Variants in FGF12 observed in about 807,000 individuals in gnomAD.
FGF12 encodes the protein fibroblast growth factor 12.
FGF12 carries 14 observed loss-of-function variants against 23.6 expected under a neutral mutation model. The observed-to-expected ratio is 0.59, with a 90% CI of 0.39 to 0.93. The LOEUF (loss-of-function observed/expected upper bound fraction) is 0.93. Ranked by LOEUF, FGF12 falls within the 40% of genes least tolerant of loss-of-function variation. The pLI is 0.00. For synonymous variants in FGF12, 62 were observed against 77.3 expected (o/e 0.80, Z 1.04); for missense variants, 175 against 217.8 (o/e 0.80, Z 1.24).
rs1371660204 is a variant in FGF12 at position 192,141,004 on chromosome 3, T to C, written c.*3005A>G. On this transcript the variant is annotated 3_prime_UTR_variant, in exon 6 of 6. Transcript: ENST00000445105. ...AGTTTTGTTTTCATTCTTAAGCTCG[T>C]TGATTTTGAAACTTATTCCAATAAG... 6.6e-6 allele frequency: 1 copy of C among 151,704 alleles called. No homozygotes were observed. The highest frequency in any genetic ancestry group is 2.4e-5 in the African/African-American group (1 of 41,342). 9.4% of individuals were successfully genotyped at this position (151,704 alleles called of 1,614,324 possible). A position where few individuals can be genotyped will look rare whatever the true frequency, so the allele number is the denominator to read the frequency against.
At chr3:192,583,260 T>C (rs978554838) in intron 2 of FGF12, among the ~76,000 whole-genome samples, 24 of 152,190 alleles carry the variant, frequency 1.6e-4, no homozygotes, top group African/African-American at 5.8e-4. Context: ...TGGGGCCTAG[T>C]GTAGGGTGGA....
At chr3:192,297,251 T>C (rs1428750816) in intron 4 of FGF12, among the ~76,000 whole-genome samples, 4 of 152,318 alleles carry the variant, frequency 2.6e-5, no homozygotes, top group Non-Finnish European at 5.9e-5. Context: ...AAATATGCTA[T>C]GAAGCAAAAA....
At chr3:192,629,100 T>C (rs907850206) in intron 2 of FGF12, among the ~76,000 whole-genome samples, 4 of 152,234 alleles carry the variant, frequency 2.6e-5, no homozygotes, top group African/African-American at 9.6e-5. Flanking sequence ...CTATCATGAC[T>C]GACTATGAGG....
rs930413388 is a variant in FGF12 at position 192,146,598 on chromosome 3, C to T, written c.428-2471G>A. Among the ~76,000 whole-genome samples the T allele has an allele frequency of 4.6e-5, 7 of 152,252 alleles. No homozygotes were observed. In the East Asian group the frequency reaches 1.3e-3, roughly 29 times the overall value. On this transcript the variant is annotated intron_variant, in intron 5 of 5. Transcript: ENST00000445105. ...GTGTATATTTTTATCACTTTTTAAG[C>T]TGAGTTTCTTAGAGTTGCAATTTCC...
chr3:192,148,413 G>T (rs938859288), intron 5 of FGF12, among the ~76,000 whole-genome samples: 2 of 152,148 alleles, frequency 1.3e-5, no homozygotes, highest in African/African-American at 2.4e-5. Context: ...CAAGTTCACA[G>T]AGGCAAAAAA....
At chr3:192,221,896 G>A (rs948643070) in intron 4 of FGF12, among the ~76,000 whole-genome samples, 3 of 152,058 alleles carry the variant, frequency 2.0e-5, no homozygotes, top group East Asian at 3.9e-4. Flanking sequence ...GTGAGGATTC[G>A]AAGAAGCAAA....
chr3:192,581,165 A>T (rs1454614456), intron 2 of FGF12, among the ~76,000 whole-genome samples: 2 of 152,132 alleles, frequency 1.3e-5, no homozygotes, highest in Admixed American at 1.3e-4. Context: ...ATTAAACATT[A>T]TATAGAAGAC....
intron 3 of FGF12, among the ~76,000 whole-genome samples, chr3:192,355,468 A>G (rs1298465100): frequency 6.6e-6 from 1 of 152,224 alleles, no homozygotes; most frequent in Non-Finnish European, 1.5e-5. Flanking sequence ...GGTGTGAATG[A>G]AAATTGCTTT....
rs10681949 is a variant in FGF12, at chr3:192,515,834, C to CTTT, written c.14-155299_14-155297dup. Among the ~76,000 whole-genome samples, 810 of 147,588 alleles carry CTTT rather than the reference C, an allele frequency of 5.5e-3. 8 individuals carry two copies. Among genetic ancestry groups the CTTT allele is most frequent in the Middle Eastern group, 0.024 (7 of 286 alleles). On this transcript the variant is annotated intron_variant, in intron 2 of 5. Transcript: ENST00000445105. ...TTTTTTCCCAGCAGCCCCCTTGACT[C>CTTT]TTTTTTTTTTTCTTTTCCTGATGCC...
intron 4 of FGF12, among the ~76,000 whole-genome samples, chr3:192,171,181 A>G (rs76111047): frequency 0.058 from 8,783 of 152,250 alleles, 376 homozygotes; most frequent in South Asian, 0.23. Flanking sequence ...ATTTCCTTAA[A>G]ACATTTTTTT....
At chr3:192,419,151 A>G (rs1193792597) in intron 2 of FGF12, among the ~76,000 whole-genome samples, 1 of 152,170 alleles carries the variant, frequency 6.6e-6, no homozygotes, top group African/African-American at 2.4e-5. Flanking sequence ...AGCTCTCTTC[A>G]TGACTTTTTT....
intron 5 of FGF12, among the ~76,000 whole-genome samples, chr3:192,158,378 CTTTCTTTTCTT>C (rs879741237): frequency 1.8e-5 from 2 of 111,170 alleles, no homozygotes; most frequent in African/African-American, 3.6e-5. Context: ...TTCTTTCTTT[CTTTCTTTTCTT>C]TCTCTCTCTT....
intron 4 of FGF12, among the ~76,000 whole-genome samples, chr3:192,253,063 T>C (rs1712143454): frequency 6.6e-6 from 1 of 152,254 alleles, no homozygotes; most frequent in Admixed American, 6.5e-5. Flanking sequence ...CAATGGCATA[T>C]AAAATGTATC....
At chr3:192,391,517 G>A (rs953736987) in intron 2 of FGF12, among the ~76,000 whole-genome samples, 1 of 152,136 alleles carries the variant, frequency 6.6e-6, no homozygotes, top group Admixed American at 6.5e-5. Flanking sequence ...AAGTGATCTC[G>A]TAAAGGCCTC....
intron 2 of FGF12, among the ~76,000 whole-genome samples, chr3:192,470,643 C>T (rs1723144544): frequency 6.6e-6 from 1 of 152,226 alleles, no homozygotes; most frequent in Non-Finnish European, 1.5e-5. Flanking sequence ...CCTGCCTCGG[C>T]CTCCTGAAGT....
chr3:192,592,984 C>T lies in FGF12; in HGVS notation c.13+134197G>A, dbSNP rs2654697. Among the ~76,000 whole-genome samples, 789 of 152,030 alleles carry T rather than the reference C, an allele frequency of 5.2e-3. 11 individuals carry two copies. Among genetic ancestry groups the T allele is most frequent in the Non-Finnish European group, 6.8e-3 (459 of 67,924 alleles). The stretch of plus-strand genomic sequence containing the variant: ...CCACCATCATCCTCCACCTGTACTA[C>T]TGTGATTGCCTCCTCACTGGTCCAT... On this transcript the variant is annotated intron_variant, in intron 2 of 5. Coordinates refer to ENST00000445105, the MANE Select transcript of FGF12 (RefSeq NM_004113.6).
At chr3:192,322,503 G>GACACACACACACACACACACAC (rs3071843) in intron 4 of FGF12, among the ~76,000 whole-genome samples, 193 of 149,298 alleles carry the variant, frequency 1.3e-3, no homozygotes, top group African/African-American at 4.6e-3. Context: ...ACCACACGCA[G>GACACACACACACACACACACAC]ACACACACAC....
intron 2 of FGF12, among the ~76,000 whole-genome samples, chr3:192,538,797 T>C (rs1189848484): frequency 6.6e-6 from 1 of 152,232 alleles, no homozygotes; most frequent in African/African-American, 2.4e-5. Flanking sequence ...CATTTCTTTG[T>C]TGTGCTCTTT....
chr3:192,449,175 T>C (rs1458712805), intron 2 of FGF12, among the ~76,000 whole-genome samples: 1 of 152,246 alleles, frequency 6.6e-6, no homozygotes, highest in Non-Finnish European at 1.5e-5. Context: ...ACAATGGCCT[T>C]GAACCCTTTA....
Sources: gnomAD v4.1 joint callset for allele counts (sites outside exome capture counted in the v4.1 genomes callset) on GRCh38, gnomAD v4.1.1 for gene constraint, MANE v1.5 for transcripts, NCBI Gene and HGNC (gene_info 2026-07-23, HGNC 2026-07-21) for gene names.